Variants in TRIO observed in about 807,000 individuals in gnomAD.
TRIO encodes the protein triple functional domain protein.
In TRIO, 58 loss-of-function variants were observed where a neutral mutation model predicts 351.9. The ratio of observed to expected loss-of-function variants is 0.16; its 90% CI spans 0.13 to 0.21. The LOEUF is 0.21. Among genes scored for constraint, TRIO ranks in the 10% least tolerant of loss-of-function variants. The probability of loss-of-function intolerance (pLI) is 1.00; values close to 1 mark genes in which losing one functional copy is unlikely to be tolerated. For synonymous variants in TRIO, 1,758 were observed against 1,595.7 expected (o/e 1.10, Z -2.42); for missense variants, 3,201 against 4,027.8 (o/e 0.79, Z 5.56).
chr5:14,495,403 G>A (rs140489719), intron 49 of TRIO, among the ~76,000 whole-genome samples: 3 of 152,276 alleles, frequency 2.0e-5, no homozygotes, highest in Admixed American at 6.5e-5. Flanking sequence ...GGGTTTGAAA[G>A]GATTGATTCC....
intron 6 of TRIO, among the ~76,000 whole-genome samples, chr5:14,296,109 G>T (rs898720189): frequency 6.6e-5 from 10 of 152,186 alleles, no homozygotes; most frequent in African/African-American, 2.2e-4. Flanking sequence ...GATTTGCTCA[G>T]AGGGGTTGTG....
chr5:14,222,066 A>G (rs1006241740), intron 1 of TRIO, among the ~76,000 whole-genome samples: 1 of 151,794 alleles, frequency 6.6e-6, no homozygotes, highest in Non-Finnish European at 1.5e-5. Context: ...AGCCATCCAC[A>G]TCGCGGCAAG....
At chr5:14,199,195 CA>C (rs58856067) in intron 1 of TRIO, among the ~76,000 whole-genome samples, 1,151 of 74,138 alleles carry the variant, frequency 0.016, 8 homozygotes, top group African/African-American at 0.049. Flanking sequence ...GAGTGGGACT[CA>C]AAAAAAAAAA....
intron 1 of TRIO, among the ~76,000 whole-genome samples, chr5:14,196,297 C>G (rs1335203720): frequency 6.6e-6 from 1 of 151,756 alleles, no homozygotes; most frequent in Non-Finnish European, 1.5e-5. Context: ...GTGGCGTGCT[C>G]CTGTAATCCC....
At chr5:14,471,215 T>C (rs1358156387) in intron 37 of TRIO, 103 bp from the exon 38 acceptor site, 2 of 1,352,502 alleles carry the variant, frequency 1.5e-6, no homozygotes. Context: ...ATTTCACAAA[T>C]ACATTTTCTG....
rs149647253 is a variant in TRIO at position 14,211,687 on chromosome 5, A to G, written c.158-59138A>G. The stretch of plus-strand genomic sequence containing the variant: ...TATGTTTTCTCTTGGCTAGATCTGC[A>G]TACAGAGAGCAACAGTTTGTTCTTA... On this transcript the variant is annotated intron_variant, in intron 1 of 56. Transcript: ENST00000344204. Among the ~76,000 whole-genome samples, 50 of 149,484 alleles carry G rather than the reference A, an allele frequency of 3.3e-4. 1 individual carries two copies. In the East Asian group the frequency reaches 9.9e-3, roughly 30 times the overall value.
intron 48 of TRIO, among the ~76,000 whole-genome samples, chr5:14,489,320 C>A (rs909351218): frequency 2.0e-5 from 3 of 152,180 alleles, no homozygotes; most frequent in Non-Finnish European, 2.9e-5. Context: ...GGTCTTGATA[C>A]ATTTATTTAC....
At chr5:14,186,280 G>C (rs1022327632) in intron 1 of TRIO, among the ~76,000 whole-genome samples, 1 of 152,086 alleles carries the variant, frequency 6.6e-6, no homozygotes, top group African/African-American at 2.4e-5. Context: ...TCCTTTTATA[G>C]AAATAAAAGT....
intron 1 of TRIO, among the ~76,000 whole-genome samples, chr5:14,217,901 A>G (rs192548057): frequency 6.6e-6 from 1 of 152,346 alleles, no homozygotes; most frequent in East Asian, 1.9e-4. Flanking sequence ...TGCCAGTACT[A>G]ATCAGTCCAA....
chr5:14,172,176 G>C (rs1046329022), intron 1 of TRIO, among the ~76,000 whole-genome samples: 11 of 150,514 alleles, frequency 7.3e-5, no homozygotes, highest in Non-Finnish European at 1.2e-4. Flanking sequence ...GTCAGTGTCA[G>C]TTAGGTTTTA....
At chr5:14,214,688 T>G (rs1443176290) in intron 1 of TRIO, among the ~76,000 whole-genome samples, 3 of 152,240 alleles carry the variant, frequency 2.0e-5, no homozygotes, top group Non-Finnish European at 2.9e-5. Flanking sequence ...TCAGTTTACC[T>G]AATTATTTTT....
In TRIO at chr5:14,441,330, G is replaced by A. The variant is rs753999085; in HGVS notation, c.5204-19689G>A. ...AGCCTACTGCAGCGGCGGGCAGCCG[G>A]GCACCTGCAAGTACTGGATCCTCGA... is the stretch of plus-strand genomic sequence containing the variant. On this transcript the variant is annotated intron_variant, in intron 34 of 56. Transcript: ENST00000344204. The A allele has an allele frequency of 1.1e-3, 163 of 154,390 alleles. 1 individual carries two copies. The highest frequency in any genetic ancestry group is 3.8e-3 in the African/African-American group (157 of 41,630). 9.6% of individuals were successfully genotyped at this position (154,390 alleles called of 1,614,324 possible).
At chr5:14,320,230 T>C (rs894351091) in intron 9 of TRIO, among the ~76,000 whole-genome samples, 1 of 152,236 alleles carries the variant, frequency 6.6e-6, no homozygotes, top group African/African-American at 2.4e-5. Context: ...CACACTGTTT[T>C]CTAGTTTAGA....
intron 1 of TRIO, among the ~76,000 whole-genome samples, chr5:14,187,059 C>T (rs1234088054): frequency 1.3e-5 from 2 of 152,050 alleles, no homozygotes; most frequent in African/African-American, 4.8e-5. Context: ...GTGGAGAAGT[C>T]GTGTGATGAA....
At chr5:14,426,052 T>TA (rs1229261556) in intron 34 of TRIO, among the ~76,000 whole-genome samples, 3 of 152,234 alleles carry the variant, frequency 2.0e-5, no homozygotes, top group African/African-American at 2.4e-5. Context: ...TTTCTACCGT[T>TA]ACTCTTATCA....
chr5:14,412,878 C>G (rs1303748902), intron 33 of TRIO, among the ~76,000 whole-genome samples: 1 of 152,250 alleles, frequency 6.6e-6, no homozygotes, highest in African/African-American at 2.4e-5. Context: ...CAGCAAACCT[C>G]TGGCCTCTGC....
At chr5:14,383,630 T>C (rs1746302088) in intron 21 of TRIO, among the ~76,000 whole-genome samples, 2 of 152,212 alleles carry the variant, frequency 1.3e-5, no homozygotes, top group South Asian at 4.1e-4. Flanking sequence ...GTAGAACTGT[T>C]TCTTTTGTTG....
chr5:14,412,978 T>TATAAG (rs1554073937), intron 33 of TRIO, among the ~76,000 whole-genome samples: 5 of 145,548 alleles, frequency 3.4e-5, no homozygotes, highest in African/African-American at 1.4e-4. Context: ...ACTGCTCACA[T>TATAAG]ATATTTAGAT....
chr5:14,274,007 A>G (rs1472967169), intron 2 of TRIO, among the ~76,000 whole-genome samples: 3 of 152,284 alleles, frequency 2.0e-5, no homozygotes, highest in African/African-American at 7.2e-5. Flanking sequence ...TAAATTCCAG[A>G]TATTATTTTA....
Sources: gnomAD v4.1 joint callset for allele counts (sites outside exome capture counted in the v4.1 genomes callset) on GRCh38, gnomAD v4.1.1 for gene constraint, MANE v1.5 for transcripts, NCBI Gene and HGNC (gene_info 2026-07-23, HGNC 2026-07-21) for gene names.